ULK4: variants seen among roughly 807,000 people sequenced by gnomAD.
The protein encoded by ULK4 is inactive serine/threonine-protein kinase ULK4.
Under a neutral mutation model 160.6 loss-of-function variants are expected in ULK4, and 133 were observed. The observed-to-expected ratio is 0.83, with a 90% confidence interval of 0.72 to 0.96. The LOEUF is 0.96. Among genes scored for constraint, ULK4 ranks in the 40% least tolerant of loss-of-function variants. The probability of loss-of-function intolerance (pLI) is 0.00; values close to 1 mark genes in which losing one functional copy is unlikely to be tolerated. For missense variants in ULK4, 1,580 were observed against 1,499.5 expected, an observed-to-expected ratio of 1.05 and a Z score of -0.89; for synonymous variants, 534 against 539.8, an observed-to-expected ratio of 0.99 and a Z score of 0.15.
intron 35 of ULK4, among the ~76,000 whole-genome samples, chr3:41,396,172 G>C (rs1339242260): frequency 6.6e-6 from 1 of 152,022 alleles, no homozygotes; most frequent in South Asian, 2.1e-4. Flanking sequence ...ACTCACAGGA[G>C]CCCATGTTTG....
At chr3:41,786,503 G>A (rs754087144) in intron 21 of ULK4, among the ~76,000 whole-genome samples, 6 of 151,228 alleles carry the variant, frequency 4.0e-5, no homozygotes, top group Non-Finnish European at 8.8e-5. Context: ...TCAGGAGGCT[G>A]AGGTGGTCAC....
intron 17 of ULK4, among the ~76,000 whole-genome samples, chr3:41,846,906 T>C (rs2042083576): frequency 6.6e-6 from 1 of 152,074 alleles, no homozygotes; most frequent in Admixed American, 6.6e-5. Context: ...AAACCATACA[T>C]GAAGGAAAAT....
At chr3:41,280,329 T>C (rs141269676) in intron 35 of ULK4, among the ~76,000 whole-genome samples, 1,757 of 152,244 alleles carry the variant, frequency 0.012, 19 homozygotes, top group Non-Finnish European at 0.016. Context: ...TCTACAGAAC[T>C]CTCCACCTCA....
chr3:41,316,673 T>C (rs1319710363), intron 35 of ULK4, among the ~76,000 whole-genome samples: 1 of 152,220 alleles, frequency 6.6e-6, no homozygotes, highest in Non-Finnish European at 1.5e-5. Context: ...TGATGCTCAC[T>C]ACCTGGGTGC....
At chr3:41,537,737 T>A (rs1182241602) in intron 32 of ULK4, among the ~76,000 whole-genome samples, 11 of 152,220 alleles carry the variant, frequency 7.2e-5, no homozygotes, top group Non-Finnish European at 1.3e-4. Context: ...TCTTGCTGTA[T>A]AACCAAAAGA....
chr3:41,605,612 C>G (rs1158012609), intron 31 of ULK4, among the ~76,000 whole-genome samples: 1 of 151,896 alleles, frequency 6.6e-6, no homozygotes, highest in East Asian at 1.9e-4. Flanking sequence ...GAAAACAAAA[C>G]TGATCCAAAA....
intron 32 of ULK4, among the ~76,000 whole-genome samples, chr3:41,473,798 T>A (rs1405638228): frequency 6.6e-6 from 1 of 151,298 alleles, no homozygotes; most frequent in Non-Finnish European, 1.5e-5. Context: ...AACTGTACCC[T>A]GAAAACTATA....
At chr3:41,559,593 T>C (rs1349974740) in intron 32 of ULK4, among the ~76,000 whole-genome samples, 2 of 151,886 alleles carry the variant, frequency 1.3e-5, no homozygotes, top group African/African-American at 2.4e-5. Context: ...TGGTATCTCA[T>C]TGTGGTTTTG....
At chr3:41,498,737 A>G (rs939464996) in intron 32 of ULK4, among the ~76,000 whole-genome samples, 3 of 152,070 alleles carry the variant, frequency 2.0e-5, no homozygotes, top group Admixed American at 2.0e-4. Context: ...CTGGGACTAC[A>G]GGTGCCCGCC....
intron 29 of ULK4, among the ~76,000 whole-genome samples, chr3:41,669,945 T>G (rs1450655261): frequency 1.3e-5 from 2 of 152,098 alleles, no homozygotes; most frequent in African/African-American, 2.4e-5. Flanking sequence ...AACCATAGAA[T>G]GGAGCAGGAA....
At chr3:41,435,405 C>T (rs1320078876) in intron 34 of ULK4, among the ~76,000 whole-genome samples, 1 of 152,136 alleles carries the variant, frequency 6.6e-6, no homozygotes, top group Admixed American at 6.5e-5. Flanking sequence ...ATAGAAGATA[C>T]ATAAGTTAAT....
intron 32 of ULK4, among the ~76,000 whole-genome samples, chr3:41,561,403 CTCTT>C (rs2087563904): frequency 6.6e-6 from 1 of 152,306 alleles, no homozygotes; most frequent in South Asian, 2.1e-4. Context: ...AGGATTCCTT[CTCTT>C]TCTATTTATT....
intron 17 of ULK4, among the ~76,000 whole-genome samples, chr3:41,878,855 T>G (rs1468386739): frequency 6.6e-6 from 1 of 151,940 alleles, no homozygotes; most frequent in Non-Finnish European, 1.5e-5. Context: ...TATGAAGCAG[T>G]AGGAGAAATA....
chr3:41,318,757 A>G (rs1215821704), intron 35 of ULK4, among the ~76,000 whole-genome samples: 3 of 152,186 alleles, frequency 2.0e-5, no homozygotes, highest in Non-Finnish European at 2.9e-5. Flanking sequence ...AGGTCAGAGC[A>G]ATTCTAGAAA....
intron 30 of ULK4, among the ~76,000 whole-genome samples, chr3:41,641,703 T>C (rs993848872): frequency 3.9e-5 from 6 of 152,094 alleles, no homozygotes; most frequent in African/African-American, 1.2e-4. Context: ...AGTCCTTCTG[T>C]CCAATGTGAA....
In ULK4 at chr3:41,579,336, T is replaced by TAAGG. The variant is rs1215952927; in HGVS notation, c.3121-13210_3121-13207dup. 2.0e-5 allele frequency among the ~76,000 whole-genome samples: 3 copies of TAAGG among 151,800 alleles called. No homozygotes were observed. In the South Asian group the frequency reaches 6.2e-4, roughly 32 times the overall value. ...AGGTTAAAGTGAGAAAGGATAGGGATAAGGAAGGAAGGAGGAACAGATGGC... is the reference window on the plus strand; with the variant it reads ...AGGTTAAAGTGAGAAAGGATAGGGATAAGGAAGGAAGGAAGGAGGAACAGATGGC... On this transcript the variant is annotated intron_variant, in intron 31 of 36. Transcript: ENST00000301831.
chr3:41,813,349 G>T (rs1331294490), intron 19 of ULK4, among the ~76,000 whole-genome samples: 3 of 151,872 alleles, frequency 2.0e-5, no homozygotes, highest in Non-Finnish European at 4.4e-5. Context: ...TAAACTATTG[G>T]TTTTATTATT....
intron 35 of ULK4, among the ~76,000 whole-genome samples, chr3:41,378,273 T>G (rs1317630166): frequency 6.8e-6 from 1 of 146,804 alleles, no homozygotes; most frequent in African/African-American, 2.5e-5. Context: ...CACCTAATGC[T>G]AGATGACGAG....
At chr3:41,767,992 G>A (rs2039224182) in intron 21 of ULK4, among the ~76,000 whole-genome samples, 1 of 152,152 alleles carries the variant, frequency 6.6e-6, no homozygotes, top group Non-Finnish European at 1.5e-5. Flanking sequence ...GGTGAGCGGT[G>A]GGCGAGCTAG....
Sources: gnomAD v4.1 joint callset for allele counts (sites outside exome capture counted in the v4.1 genomes callset) on GRCh38, gnomAD v4.1.1 for gene constraint, MANE v1.5 for transcripts, NCBI Gene and HGNC (gene_info 2026-07-23, HGNC 2026-07-21) for gene names.